Variants in TEAD1 observed in about 807,000 individuals in gnomAD.
TEAD1 encodes TEA domain transcription factor 1.
A neutral mutation model predicts 54.9 loss-of-function variants in TEAD1; 9 were observed. That is an observed-to-expected ratio of 0.16 (90% CI 0.10 to 0.29). The LOEUF (loss-of-function observed/expected upper bound fraction) is 0.29, where lower values mean the gene tolerates loss of function less well. TEAD1 is among the 10% of genes least tolerant of loss of function. TEAD1 has a pLI of 1.00. For missense variants in TEAD1, 387 were observed against 535.9 expected (o/e 0.72, Z 2.74); for synonymous variants, 200 against 187.8 (o/e 1.07, Z -0.53).
At chr11:12,915,564 A>G (rs1948696294) in intron 10 of TEAD1, among the ~76,000 whole-genome samples, 2 of 152,230 alleles carry the variant, frequency 1.3e-5, no homozygotes, top group Admixed American at 1.3e-4. Context: ...CAGATCCAGG[A>G]TGGCTGGGCA....
At chr11:12,886,888 T>C (rs1445711302) in intron 9 of TEAD1, among the ~76,000 whole-genome samples, 1 of 152,148 alleles carries the variant, frequency 6.6e-6, no homozygotes, top group Non-Finnish European at 1.5e-5. Flanking sequence ...TTGATGTTTC[T>C]GGCTTGTATT....
chr11:12,771,121 A>C (rs1432245772), intron 3 of TEAD1, among the ~76,000 whole-genome samples: 1 of 152,192 alleles, frequency 6.6e-6, no homozygotes, highest in African/African-American at 2.4e-5. Context: ...TTCTGGCTGA[A>C]GGAACATGTG....
chr11:12,788,048 C>T (rs1284361212), intron 3 of TEAD1, among the ~76,000 whole-genome samples: 2 of 151,676 alleles, frequency 1.3e-5, no homozygotes, highest in East Asian at 1.9e-4. Context: ...CTGCAACCTC[C>T]GCCTCCAGAG....
At chr11:12,881,091 G>GACAACTAC in intron 7 of TEAD1, 40 bp downstream of exon 7, 1 of 1,610,710 alleles carries the variant, frequency 6.2e-7, no homozygotes, top group Admixed American at 1.7e-5. Context: ...ACTACGGGCT[G>GACAACTAC]GTCCCAGCCC....
intron 5 of TEAD1, among the ~76,000 whole-genome samples, chr11:12,869,344 C>T (rs185857727): frequency 9.2e-5 from 14 of 152,266 alleles, no homozygotes; most frequent in East Asian, 1.9e-4. Context: ...GGGGCTGCTC[C>T]GTGGCACTTA....
intron 2 of TEAD1, among the ~76,000 whole-genome samples, chr11:12,754,628 C>T (rs2133912119): frequency 6.6e-6 from 1 of 152,222 alleles, no homozygotes; most frequent in South Asian, 2.1e-4. Flanking sequence ...ATGTTAGAGC[C>T]TAGATTTTGG....
At chr11:12,850,896 A>C (rs943968671) in intron 3 of TEAD1, among the ~76,000 whole-genome samples, 10 of 152,332 alleles carry the variant, frequency 6.6e-5, no homozygotes, top group South Asian at 6.2e-4. Context: ...GGTATAGGGC[A>C]TGAAGAAGCA....
intron 11 of TEAD1, among the ~76,000 whole-genome samples, chr11:12,929,204 G>GTGTGTGTGTGTGTGTGTGTGT (rs746048067): frequency 2.2e-5 from 3 of 139,046 alleles, no homozygotes; most frequent in African/African-American, 9.0e-5. Flanking sequence ...GTGTGTGTCT[G>GTGTGTGTGTGTGTGTGTGTGT]CTTTAGGGTT....
intron 2 of TEAD1, among the ~76,000 whole-genome samples, chr11:12,720,533 C>T (rs769981307): frequency 6.6e-6 from 1 of 152,100 alleles, no homozygotes; most frequent in Non-Finnish European, 1.5e-5. Context: ...ATGAGGTGAG[C>T]ATTATTACTC....
At chr11:12,856,008 G>A (rs908152099) in intron 3 of TEAD1, among the ~76,000 whole-genome samples, 15 of 151,220 alleles carry the variant, frequency 9.9e-5, no homozygotes, top group Admixed American at 9.2e-4. Context: ...GCACTGTCTT[G>A]TAGAATCTTG....
intron 3 of TEAD1, among the ~76,000 whole-genome samples, chr11:12,805,960 G>C (rs1349675912): frequency 6.6e-6 from 1 of 152,094 alleles, no homozygotes; most frequent in Non-Finnish European, 1.5e-5. Flanking sequence ...TATCGGTGTT[G>C]GGGGTCTGTG....
intron 5 of TEAD1, among the ~76,000 whole-genome samples, chr11:12,869,318 C>G (rs1163667357): frequency 2.0e-5 from 3 of 152,126 alleles, no homozygotes; most frequent in African/African-American, 7.2e-5. Context: ...GGACCAGGGG[C>G]CAACCCACAC....
chr11:12,712,678 C>T (rs1377708850), intron 2 of TEAD1, among the ~76,000 whole-genome samples: 1 of 152,144 alleles, frequency 6.6e-6, no homozygotes, highest in Non-Finnish European at 1.5e-5. Context: ...TTCTTTCTGC[C>T]CTTGGGAAAT....
At chr11:12,879,902 G>C (rs969854493) in intron 6 of TEAD1, 60 bp downstream of exon 6, 1 of 1,608,124 alleles carries the variant, frequency 6.2e-7, no homozygotes, top group Admixed American at 1.7e-5. Context: ...GCATGTGCCA[G>C]TGTTAAGCCT....
At chr11:12,888,705 CATT>C (rs1948139131) in intron 9 of TEAD1, among the ~76,000 whole-genome samples, 1 of 152,220 alleles carries the variant, frequency 6.6e-6, no homozygotes, top group Non-Finnish European at 1.5e-5. Context: ...TGATGGCCAA[CATT>C]TACTAAATAT....
chr11:12,706,455 C>T (rs764623585), intron 2 of TEAD1, among the ~76,000 whole-genome samples: 1 of 152,184 alleles, frequency 6.6e-6, no homozygotes, highest in South Asian at 2.1e-4. Context: ...GAAAGAGAAA[C>T]ATACTTCGTT....
chr11:12,880,112 A>C (rs1947936352), intron 6 of TEAD1, among the ~76,000 whole-genome samples: 1 of 152,132 alleles, frequency 6.6e-6, no homozygotes, highest in Non-Finnish European at 1.5e-5. Context: ...CAGAAGAGGA[A>C]GGAATTCTGA....
intron 3 of TEAD1, among the ~76,000 whole-genome samples, chr11:12,765,918 A>G (rs115700083): frequency 1.3e-5 from 2 of 152,140 alleles, no homozygotes; most frequent in African/African-American, 4.8e-5. Flanking sequence ...CAGCCTGGCT[A>G]TTTGCTTTGT....
At chr11:12,759,209 C>T (rs1945051649) in intron 2 of TEAD1, among the ~76,000 whole-genome samples, 1 of 152,134 alleles carries the variant, frequency 6.6e-6, no homozygotes, top group Admixed American at 6.5e-5. Flanking sequence ...GCAGCAAATT[C>T]CTGTGTCCTA....
Sources: allele counts gnomAD v4.1 joint callset (sites outside exome capture counted in the v4.1 genomes callset), GRCh38; gene constraint gnomAD v4.1.1; transcripts MANE v1.5; gene names NCBI Gene and HGNC (gene_info 2026-07-23, HGNC 2026-07-21).